Variants in PARD3B observed in about 807,000 individuals in gnomAD.
The protein encoded by PARD3B is par-3 family cell polarity regulator beta.
Under a neutral mutation model 130.2 loss-of-function variants are expected in PARD3B, and 103 were observed. That is an observed-to-expected ratio of 0.79 (90% CI 0.67 to 0.93). The LOEUF (loss-of-function observed/expected upper bound fraction) is 0.93. Ranked by LOEUF, PARD3B falls within the 40% of genes least tolerant of loss-of-function variation. PARD3B has a pLI of 0.00. For missense variants in PARD3B, 1,609 were observed against 1,499.2 expected, an observed-to-expected ratio of 1.07 and a Z score of -1.21; for synonymous variants, 583 against 553.2, an observed-to-expected ratio of 1.05 and a Z score of -0.76.
chr2:205,611,508 G>C (rs191401865), intron 22 of PARD3B, among the ~76,000 whole-genome samples: 1 of 152,272 alleles, frequency 6.6e-6, no homozygotes, highest in Admixed American at 6.5e-5. Context: ...TTCTTTACAT[G>C]TAAATAACAT....
At chr2:205,162,367 C>T (rs927153432) in intron 11 of PARD3B, among the ~76,000 whole-genome samples, 1 of 152,200 alleles carries the variant, frequency 6.6e-6, no homozygotes. Flanking sequence ...TCTTCATAGG[C>T]CCCTCTGAAG....
chr2:205,061,195 C>T (rs2125455219), intron 4 of PARD3B, among the ~76,000 whole-genome samples: 1 of 152,130 alleles, frequency 6.6e-6, no homozygotes, highest in South Asian at 2.1e-4. Context: ...AATAATAACC[C>T]AGGAAATTCA....
intron 16 of PARD3B, among the ~76,000 whole-genome samples, chr2:205,297,454 G>A (rs2041837095): frequency 6.6e-6 from 1 of 152,056 alleles, no homozygotes; most frequent in Non-Finnish European, 1.5e-5. Context: ...TTACAGGGAG[G>A]GTATTTTATT....
At chr2:205,413,488 C>T (rs1475464580) in intron 19 of PARD3B, among the ~76,000 whole-genome samples, 2 of 152,020 alleles carry the variant, frequency 1.3e-5, no homozygotes, top group Non-Finnish European at 2.9e-5. Context: ...ACTATAAAAC[C>T]GTACTGATTT....
intron 21 of PARD3B, among the ~76,000 whole-genome samples, chr2:205,514,490 C>T (rs1160246826): frequency 2.0e-5 from 3 of 152,154 alleles, no homozygotes; most frequent in South Asian, 2.1e-4. Context: ...CTAAAAAAGA[C>T]ATTTTTAAAT....
At chr2:205,264,891 G>T (rs1002403391) in intron 16 of PARD3B, among the ~76,000 whole-genome samples, 3 of 150,764 alleles carry the variant, frequency 2.0e-5, no homozygotes, top group Non-Finnish European at 4.4e-5. Context: ...ATAAATTACA[G>T]GTTTGCAAAA....
At chr2:205,402,721 G>C (rs12997580) in intron 19 of PARD3B, among the ~76,000 whole-genome samples, 1 of 152,138 alleles carries the variant, frequency 6.6e-6, no homozygotes, top group Admixed American at 6.6e-5. Flanking sequence ...ATAGGCTTCG[G>C]ATCCAATTTT....
At chr2:204,881,868 CT>C in intron 2 of PARD3B, among the ~76,000 whole-genome samples, 1 of 152,306 alleles carries the variant, frequency 6.6e-6, no homozygotes, top group African/African-American at 2.4e-5. Flanking sequence ...CACAGGAGTG[CT>C]TTTGCACTGT....
At chr2:205,509,897 A>G (rs998917485) in intron 21 of PARD3B, among the ~76,000 whole-genome samples, 2 of 152,236 alleles carry the variant, frequency 1.3e-5, no homozygotes, top group African/African-American at 4.8e-5. Context: ...CCCAAGGGCC[A>G]GTCGCTACAA....
At chr2:204,688,578 TAAAA>T (rs568862087) in intron 2 of PARD3B, among the ~76,000 whole-genome samples, 2 of 94,588 alleles carry the variant, frequency 2.1e-5, no homozygotes, top group Non-Finnish European at 2.3e-5. Context: ...AGACTCCATC[TAAAA>T]AAAAAAAAAA....
At chr2:205,118,839 G>C in intron 6 of PARD3B, 82 bp from the exon 7 acceptor site, 3 of 972,654 alleles carry the variant, frequency 3.1e-6, no homozygotes, top group Non-Finnish European at 4.4e-6. Context: ...AAATCAATAT[G>C]TATTTCTGAA....
intron 2 of PARD3B, among the ~76,000 whole-genome samples, chr2:204,727,578 C>G (rs1306911556): frequency 2.0e-5 from 3 of 152,130 alleles, no homozygotes; most frequent in African/African-American, 7.2e-5. Flanking sequence ...AGGTGGCCAT[C>G]CTGGCAGGCT....
chr2:204,780,807 T>C (rs1297811694), intron 2 of PARD3B, among the ~76,000 whole-genome samples: 1 of 152,080 alleles, frequency 6.6e-6, no homozygotes, highest in Admixed American at 6.6e-5. Flanking sequence ...CGTAGCTCTT[T>C]AAAGATGGGA....
intron 2 of PARD3B, among the ~76,000 whole-genome samples, chr2:204,946,587 G>T (rs1022426555): frequency 6.6e-6 from 1 of 152,158 alleles, no homozygotes; most frequent in African/African-American, 2.4e-5. Flanking sequence ...CTAATGCTTG[G>T]ATGTTGCCAG....
chr2:204,712,181 A>G (rs1479624587), intron 2 of PARD3B, among the ~76,000 whole-genome samples: 1 of 152,244 alleles, frequency 6.6e-6, no homozygotes, highest in Non-Finnish European at 1.5e-5. Flanking sequence ...ATGAAAGAAA[A>G]TGATTAACAA....
chr2:205,000,787 A>G (rs1451733884), intron 3 of PARD3B, among the ~76,000 whole-genome samples: 1 of 152,092 alleles, frequency 6.6e-6, no homozygotes, highest in African/African-American at 2.4e-5. Context: ...CCCTACTTCC[A>G]TCCATATTGC....
intron 18 of PARD3B, among the ~76,000 whole-genome samples, chr2:205,353,440 G>A (rs1215711896): frequency 1.3e-5 from 2 of 152,090 alleles, no homozygotes; most frequent in East Asian, 3.9e-4. Flanking sequence ...ACTCATCATA[G>A]TTCCATCAAC....
intron 2 of PARD3B, among the ~76,000 whole-genome samples, chr2:204,867,192 C>G (rs2045460007): frequency 6.6e-6 from 1 of 151,898 alleles, no homozygotes; most frequent in Non-Finnish European, 1.5e-5. Flanking sequence ...ATATTGAAAG[C>G]CTGAACTTTT....
intron 19 of PARD3B, among the ~76,000 whole-genome samples, chr2:205,410,775 A>T (rs866922210): frequency 6.6e-6 from 1 of 152,186 alleles, no homozygotes; most frequent in African/African-American, 2.4e-5. Flanking sequence ...CATTTGTTAT[A>T]TCCTGCTTTG....
Sources: allele counts gnomAD v4.1 joint callset (sites outside exome capture counted in the v4.1 genomes callset), GRCh38; gene constraint gnomAD v4.1.1; transcripts MANE v1.5; gene names NCBI Gene and HGNC (gene_info 2026-07-23, HGNC 2026-07-21).